PDPN: variants seen among roughly 807,000 people sequenced by gnomAD.
PDPN encodes podoplanin.
A neutral mutation model predicts 23.2 loss-of-function variants in PDPN; 12 were observed. The observed-to-expected ratio is 0.52, with a 90% CI of 0.33 to 0.84. The LOEUF (loss-of-function observed/expected upper bound fraction) is 0.84. Among genes scored for constraint, PDPN ranks in the 40% least tolerant of loss-of-function variants. PDPN has a pLI of 0.02. For missense variants in PDPN, 199 were observed against 212.2 expected (o/e 0.94, Z 0.39); for synonymous variants, 77 against 76.7 (o/e 1.00, Z -0.02).
Position 13,583,963 on chromosome 1 carries a change from G to T in PDPN, c.-71G>T, listed in dbSNP as rs1489575246. Reference sequence around the variant, plus strand: ...TCCAGGCTGGGCCTGTGGCCGCGGTGCTTTTTAATTTTCCCCCAGCTCAGA... The same window carrying T: ...TCCAGGCTGGGCCTGTGGCCGCGGTTCTTTTTAATTTTCCCCCAGCTCAGA... On this transcript the variant is annotated 5_prime_UTR_variant, in exon 1 of 6. Transcript: ENST00000621990. The T allele has an allele frequency of 1.9e-6, 3 of 1,613,734 alleles. No individual in the cohort carries two copies. In the Admixed American group the frequency reaches 5.0e-5, roughly 27 times the overall value.
At chr1:13,592,558 T>C in intron 1 of PDPN, among the ~76,000 whole-genome samples, 1 of 150,192 alleles carries the variant, frequency 6.7e-6, no homozygotes, top group Admixed American at 6.6e-5. Flanking sequence ...TTTTTTTTTT[T>C]TTTTTTTTGA....
intron 1 of PDPN, among the ~76,000 whole-genome samples, chr1:13,606,593 A>G (rs1437739062): frequency 2.0e-5 from 3 of 152,136 alleles, no homozygotes; most frequent in African/African-American, 7.2e-5. Flanking sequence ...GCTTGAGCCC[A>G]GGAGTTTGAG....
chr1:13,592,908 C>T (rs992379524), intron 1 of PDPN, among the ~76,000 whole-genome samples: 7 of 152,240 alleles, frequency 4.6e-5, no homozygotes, highest in South Asian at 4.1e-4. Context: ...AATCAATTAC[C>T]CATAAATGTA....
chr1:13,595,761 A>T (rs1200182481), intron 1 of PDPN: 3 of 716,368 alleles, frequency 4.2e-6, no homozygotes, highest in Non-Finnish European at 6.4e-6. Context: ...ATTGAACGGC[A>T]GGGCAGCCAA....
At chr1:13,591,060 G>A (rs975772335) in intron 1 of PDPN, among the ~76,000 whole-genome samples, 5 of 151,942 alleles carry the variant, frequency 3.3e-5, no homozygotes, top group African/African-American at 9.7e-5. Flanking sequence ...TCCTGCCTCC[G>A]TCTCCTGAGT....
At chr1:13,604,851 A>T (rs1414946967) in intron 1 of PDPN, among the ~76,000 whole-genome samples, 1 of 152,186 alleles carries the variant, frequency 6.6e-6, no homozygotes, top group African/African-American at 2.4e-5. Context: ...CACAAGTCAT[A>T]CATTTTTGTA....
At chr1:13,588,888 G>T (rs1417642588) in intron 1 of PDPN, among the ~76,000 whole-genome samples, 2 of 129,812 alleles carry the variant, frequency 1.5e-5, no homozygotes, top group African/African-American at 2.9e-5. Flanking sequence ...ATGTTGCCCA[G>T]GCTGGTCTCG....
chr1:13,612,888 C>CTTAT lies in PDPN; in HGVS notation c.332-798_332-797insTATT, dbSNP rs56226938. 1.4e-4 allele frequency among the ~76,000 whole-genome samples: 22 copies of CTTAT among 152,102 alleles called. No homozygotes were observed. The East Asian group carries it at 4.2e-3, about 29-fold the overall frequency. ...GCAGGGCCTGATTGATGATTAACTT[C>CTTAT]TAAATCAAGGCATCTTGACTTTTTC... On this transcript the variant is annotated intron_variant, in intron 3 of 5. Transcript: ENST00000621990.
At chr1:13,613,870 CTTTT>C (rs34784418) in intron 4 of PDPN, 145 bp downstream of exon 4, 1,771 of 216,972 alleles carry the variant, frequency 8.2e-3, no homozygotes, top group South Asian at 0.013. Flanking sequence ...AGATTTCAAG[CTTTT>C]TTTTTTTTTT....
intron 1 of PDPN, among the ~76,000 whole-genome samples, chr1:13,592,344 T>C (rs1024182769): frequency 2.6e-5 from 4 of 152,194 alleles, no homozygotes; most frequent in Non-Finnish European, 2.9e-5. Context: ...TGTGTTTTGT[T>C]GCTTGTACTG....
chr1:13,583,932 C>T lies in PDPN; in HGVS notation c.-102C>T, dbSNP rs1178435719. 1 of 1,613,356 alleles carries T rather than the reference C, an allele frequency of 6.2e-7. No individual in the cohort carries two copies. Among genetic ancestry groups the T allele is most frequent in the Non-Finnish European group, 8.5e-7 (1 of 1,179,806 alleles). ...CACCCCTCCGGCCCCCCCACCGTCG[C>T]GCTCCTCCAGGCTGGGCCTGTGGCC... On this transcript the variant is annotated 5_prime_UTR_variant, in exon 1 of 6. Transcript: ENST00000621990.
rs1298478023 is a variant in PDPN at position 13,614,289 on chromosome 1, C to G, written c.371-11C>G. 6.8e-7 allele frequency: 1 copy of G among 1,466,850 alleles called. No homozygotes were observed. Among genetic ancestry groups the G allele is most frequent in the South Asian group, 1.1e-5 (1 of 87,184 alleles). 90.9% of individuals were successfully genotyped at this position (1,466,850 alleles called of 1,614,324 possible). On this transcript the variant is annotated splice_polypyrimidine_tract_variant and intron_variant, in intron 4 of 5. Transcript: ENST00000621990. ...TCTGGGGCTCATGCTTTTTTTCTCT[C>G]TCTTGTTCAGATGGTTTGTCAACAG...
At chr1:13,604,605 A>G (rs1281767600) in intron 1 of PDPN, among the ~76,000 whole-genome samples, 1 of 149,524 alleles carries the variant, frequency 6.7e-6, no homozygotes, top group Non-Finnish European at 1.5e-5. Context: ...TGAGCACTTG[A>G]TTTTTTTTTT....
At chr1:13,590,079 C>T (rs551702999) in intron 1 of PDPN, among the ~76,000 whole-genome samples, 2 of 152,370 alleles carry the variant, frequency 1.3e-5, no homozygotes, top group East Asian at 3.9e-4. Flanking sequence ...CCACCCGCCT[C>T]AGCCCTCCCA....
intron 1 of PDPN, among the ~76,000 whole-genome samples, chr1:13,598,608 A>C (rs1361458130): frequency 5.3e-5 from 8 of 152,014 alleles, no homozygotes; most frequent in Non-Finnish European, 1.5e-5. Context: ...CGCCAAATGC[A>C]ACTGAAACCC....
intron 1 of PDPN, among the ~76,000 whole-genome samples, chr1:13,589,873 G>A (rs1452856388): frequency 6.6e-6 from 1 of 152,206 alleles, no homozygotes. Flanking sequence ...TGTCGCCCAG[G>A]CTGGAGTGCA....
intron 1 of PDPN, among the ~76,000 whole-genome samples, chr1:13,604,553 A>G (rs1035018972): frequency 1.3e-5 from 2 of 152,208 alleles, no homozygotes; most frequent in African/African-American, 4.8e-5. Context: ...TTACGCTTTC[A>G]ATGAACTGAG....
intron 3 of PDPN, among the ~76,000 whole-genome samples, chr1:13,613,128 G>T (rs991115870): frequency 6.6e-6 from 1 of 152,156 alleles, no homozygotes; most frequent in African/African-American, 2.4e-5. Context: ...AACACAAAGG[G>T]TATATTTGCT....
intron 1 of PDPN, among the ~76,000 whole-genome samples, chr1:13,586,246 G>A (rs1476638960): frequency 6.6e-6 from 1 of 152,096 alleles, no homozygotes; most frequent in African/African-American, 2.4e-5. Context: ...TGATTTCCCC[G>A]AAACGCTTGC....
Sources: allele counts gnomAD v4.1 joint callset (sites outside exome capture counted in the v4.1 genomes callset), GRCh38; gene constraint gnomAD v4.1.1; transcripts MANE v1.5; gene names NCBI Gene and HGNC (gene_info 2026-07-23, HGNC 2026-07-21).